The following KIF9 variants were observed in gnomAD, a reference collection of about 807,000 sequenced individuals.
KIF9 encodes kinesin family member 9.
In KIF9, 68 loss-of-function variants were observed where a neutral mutation model predicts 94.8. The ratio of observed to expected loss-of-function variants is 0.72; its 90% CI spans 0.59 to 0.88. The LOEUF is 0.88. Among genes scored for constraint, KIF9 ranks in the 40% least tolerant of loss-of-function variants. The pLI is 0.00. For missense variants in KIF9, 882 were observed against 982.5 expected, an observed-to-expected ratio of 0.90 and a Z score of 1.37; for synonymous variants, 343 against 362.1, an observed-to-expected ratio of 0.95 and a Z score of 0.60.
chr3:47,276,711 G>A (rs570299803), intron 2 of KIF9, among the ~76,000 whole-genome samples: 50 of 152,358 alleles, frequency 3.3e-4, no homozygotes, highest in African/African-American at 1.1e-3. Context: ...GGACCTGCGA[G>A]GCTTGGGCAG....
chr3:47,250,745 C>A (rs567990341), intron 10 of KIF9: 8 of 211,826 alleles, frequency 3.8e-5, no homozygotes, highest in Non-Finnish European at 8.2e-5. Context: ...TCGCTGTGAA[C>A]AATAGGACTT....
intron 16 of KIF9, among the ~76,000 whole-genome samples, chr3:47,242,057 A>AT (rs994649697): frequency 6.6e-6 from 1 of 150,968 alleles, no homozygotes; most frequent in African/African-American, 2.4e-5. Flanking sequence ...CTCCCTTTTA[A>AT]TTTTTTATAG....
In KIF9 at chr3:47,228,276, G is replaced by T. The variant is rs966290031; in HGVS notation, c.*376C>A. On this transcript the variant is annotated 3_prime_UTR_variant, in exon 21 of 21. Transcript: ENST00000684063. The stretch of plus-strand genomic sequence containing the variant: ...GACCAGTGTGACAAAGGCCTGCCAG[G>T]AGGAGCCTGGCTGAGCTACTTTTCT... The T allele has an allele frequency of 2.3e-5, 4 of 177,424 alleles. No homozygotes were observed. Among genetic ancestry groups the T allele is most frequent in the African/African-American group, 9.5e-5 (4 of 42,122 alleles). 11.0% of individuals were successfully genotyped at this position (177,424 alleles called of 1,614,324 possible).
chr3:47,246,285 C>A, intron 12 of KIF9, 33 bp from the exon 13 acceptor site: 1 of 1,593,296 alleles, frequency 6.3e-7, no homozygotes, highest in African/African-American at 1.3e-5. Flanking sequence ...GAGGTTAGAC[C>A]AAGGGCACCT....
chr3:47,241,438 C>T (rs1367619615), intron 16 of KIF9, among the ~76,000 whole-genome samples: 4 of 151,948 alleles, frequency 2.6e-5, no homozygotes, highest in Non-Finnish European at 5.9e-5. Flanking sequence ...TCTCCTGCCT[C>T]AGCCTCCTCA....
chr3:47,256,002 T>G (rs1451825005), intron 10 of KIF9, among the ~76,000 whole-genome samples: 1 of 152,236 alleles, frequency 6.6e-6, no homozygotes, highest in Admixed American at 6.5e-5. Flanking sequence ...CCGCGAGTGA[T>G]CCGCCAGCCC....
At chr3:47,241,860 ATACACATATATATATATATATATATTTT>A (rs1699561208) in intron 16 of KIF9, among the ~76,000 whole-genome samples, 1 of 103,880 alleles carries the variant, frequency 9.6e-6, no homozygotes, top group Admixed American at 1.2e-4. Context: ...ATATATATAT[ATACACATATATATATATATATATATTTT>A]TTTTTTTTTT....
chr3:47,242,239 T>G (rs1699623534), intron 16 of KIF9, among the ~76,000 whole-genome samples: 1 of 152,128 alleles, frequency 6.6e-6, no homozygotes, highest in South Asian at 2.1e-4. Context: ...ACATCTTACT[T>G]TTTTCAAAAA....
chr3:47,255,134 G>C (rs1265620564), intron 10 of KIF9, among the ~76,000 whole-genome samples: 1 of 152,160 alleles, frequency 6.6e-6, no homozygotes, highest in Non-Finnish European at 1.5e-5. Context: ...ATGATTCCAT[G>C]AGCATCTTAG....
chr3:47,230,799 G>A (rs1698511167), intron 20 of KIF9, among the ~76,000 whole-genome samples: 1 of 152,116 alleles, frequency 6.6e-6, no homozygotes, highest in African/African-American at 2.4e-5. Flanking sequence ...CAGCACTTTG[G>A]GAAGCCAAGG....
chr3:47,267,178 A>G lies in KIF9; in HGVS notation c.675+2T>C, dbSNP rs1482620596. ...TGGGCTGATCAAAGAGCTTGCACCT[A>G]CCTCTAAGTAGATGGTGAAAATGCA... On this transcript the variant is annotated splice_donor_variant, in intron 6 of 20. Transcript: ENST00000684063. LOFTEE classifies it high-confidence loss of function. The G allele has an allele frequency of 6.2e-7, 1 of 1,612,252 alleles. No homozygotes were observed. Among genetic ancestry groups the G allele is most frequent in the Non-Finnish European group, 8.5e-7 (1 of 1,178,448 alleles).
chr3:47,248,302 A>G (rs2107255190), intron 10 of KIF9: 1 of 561,940 alleles, frequency 1.8e-6, no homozygotes, highest in East Asian at 3.1e-5. Context: ...GGACCTGAAC[A>G]GTCCCCTGGC....
chr3:47,262,168 G>A (rs916403647), intron 9 of KIF9, among the ~76,000 whole-genome samples: 9 of 152,158 alleles, frequency 5.9e-5, no homozygotes, highest in Non-Finnish European at 1.0e-4. Flanking sequence ...GGGGATAAAG[G>A]GAGACAGGGA....
chr3:47,269,251 G>C (rs1438872206), intron 5 of KIF9, among the ~76,000 whole-genome samples: 1 of 152,194 alleles, frequency 6.6e-6, no homozygotes, highest in East Asian at 1.9e-4. Context: ...TAGCCTATAT[G>C]ACTTCTAAAA....
At chr3:47,282,250 G>C in intron 1 of KIF9, 3 of 985,612 alleles carry the variant, frequency 3.0e-6, no homozygotes, top group Non-Finnish European at 3.6e-6. Context: ...CGGCCTCTAT[G>C]TCCTGGACGC....
chr3:47,240,757 T>C (rs1699407444), intron 17 of KIF9, 44 bp downstream of exon 17: 3 of 1,540,130 alleles, frequency 1.9e-6, no homozygotes, highest in Non-Finnish European at 1.8e-6. Context: ...CCAGCATGAC[T>C]CTGAGACCCC....
chr3:47,253,889 ACT>A (rs1700417874), intron 10 of KIF9, among the ~76,000 whole-genome samples: 1 of 152,206 alleles, frequency 6.6e-6, no homozygotes, highest in South Asian at 2.1e-4. Context: ...AGACTTATAG[ACT>A]CTATAGAAGA....
intron 10 of KIF9, among the ~76,000 whole-genome samples, chr3:47,252,890 G>A (rs1362017159): frequency 6.6e-6 from 1 of 151,972 alleles, no homozygotes. Context: ...GCAGGTGCCT[G>A]TAATCCCAGC....
intron 10 of KIF9, among the ~76,000 whole-genome samples, chr3:47,254,120 G>T (rs953635115): frequency 6.6e-6 from 1 of 152,206 alleles, no homozygotes; most frequent in Non-Finnish European, 1.5e-5. Context: ...CATGGATTGT[G>T]TTATCTACCC....
Sources: allele counts gnomAD v4.1 joint callset (sites outside exome capture counted in the v4.1 genomes callset), GRCh38; gene constraint gnomAD v4.1.1; transcripts MANE v1.5; gene names NCBI Gene and HGNC (gene_info 2026-07-23, HGNC 2026-07-21).